SVEP1: variants seen among roughly 807,000 people sequenced by gnomAD.
The protein encoded by SVEP1 is sushi, von Willebrand factor type A, EGF and pentraxin domain containing 1, also known as sushi, von Willebrand factor type A, EGF and pentraxin domain-containing protein 1.
In SVEP1, 164 loss-of-function variants were observed where a neutral mutation model predicts 367.3. The observed-to-expected ratio is 0.45, with a 90% CI of 0.39 to 0.51. The LOEUF is 0.51. Ranked by LOEUF, SVEP1 falls within the 20% of genes least tolerant of loss-of-function variation. SVEP1 has a pLI of 0.00. For missense variants in SVEP1, 4,117 were observed against 4,425.3 expected (o/e 0.93, Z 1.98); for synonymous variants, 1,666 against 1,611.6 (o/e 1.03, Z -0.81).
rs781158332 is a variant in SVEP1, at chr9:110,458,440, C to T, written c.3576+31G>A. 34 of 1,587,760 alleles carry T rather than the reference C, an allele frequency of 2.1e-5. No individual in the cohort carries two copies. The South Asian group carries it at 3.2e-4, about 15-fold the overall frequency. On this transcript the variant is annotated intron_variant, in intron 20 of 47. Transcript: ENST00000374469. Reference sequence around the variant, plus strand: ...GACAAATTGCTTTCCAAGCATTCCACTAGAGAACAGTTTATGCAAAATGAA... The same window carrying T: ...GACAAATTGCTTTCCAAGCATTCCATTAGAGAACAGTTTATGCAAAATGAA...
At chr9:110,434,684 A>AAAAAAAAAAAAAAAAAAG (rs1828406556) in intron 29 of SVEP1, among the ~76,000 whole-genome samples, 178 bp from the exon 30 acceptor site, 1 of 150,744 alleles carries the variant, frequency 6.6e-6, no homozygotes, top group Non-Finnish European at 1.5e-5. Context: ...AAAAAAAAAA[A>AAAAAAAAAAAAAAAAAAG]AAGCATTTAA....
At chr9:110,578,442 CTA>C (rs1043214771) in intron 1 of SVEP1, among the ~76,000 whole-genome samples, 20 of 151,430 alleles carry the variant, frequency 1.3e-4, no homozygotes, top group African/African-American at 4.8e-4. Context: ...TTAGATATTT[CTA>C]TATGTTTCTT....
At chr9:110,448,272 T>G (rs2118604699) in intron 24 of SVEP1, among the ~76,000 whole-genome samples, 1 of 152,370 alleles carries the variant, frequency 6.6e-6, no homozygotes, top group Non-Finnish European at 1.5e-5. Flanking sequence ...TGGCAAAATA[T>G]TAAGGTTTGA....
At chr9:110,431,822 C>G in intron 32 of SVEP1, 93 bp downstream of exon 32, 7 of 1,510,372 alleles carry the variant, frequency 4.6e-6, no homozygotes, top group Non-Finnish European at 5.4e-6. Flanking sequence ...GAAGTTGAAA[C>G]AATTATCTCA....
chr9:110,435,157 G>C lies in SVEP1; in HGVS notation c.4888+84C>G, dbSNP rs12000709. 2,257 of 1,494,292 alleles carry C rather than the reference G, an allele frequency of 1.5e-3. 31 individuals carry two copies. The African/African-American group carries it at 0.028, about 18-fold the overall frequency. 92.6% of individuals were successfully genotyped at this position (1,494,292 alleles called of 1,614,324 possible). The stretch of plus-strand genomic sequence containing the variant: ...ACAGTCACATACGATTGGACCGATA[G>C]AGAATTCTGAACTGTCTTCTTTTGC... On this transcript the variant is annotated intron_variant, in intron 29 of 47. Coordinates refer to ENST00000374469, the MANE Select transcript of SVEP1 (RefSeq NM_153366.4).
chr9:110,423,167 G>GAAAAAAAAAAAAAAAAA, intron 36 of SVEP1, among the ~76,000 whole-genome samples: 1 of 66,988 alleles, frequency 1.5e-5, no homozygotes, highest in Non-Finnish European at 2.8e-5. Flanking sequence ...AAAAAATAAA[G>GAAAAAAAAAAAAAAAAA]TAAAAAAAAA....
chr9:110,578,091 A>G (rs1024270044), intron 1 of SVEP1, among the ~76,000 whole-genome samples: 1 of 152,238 alleles, frequency 6.6e-6, no homozygotes, highest in Admixed American at 6.5e-5. Context: ...AGGAACTTTT[A>G]TAGAAATTCT....
At chr9:110,553,955 A>AT (rs1830323293) in intron 1 of SVEP1, among the ~76,000 whole-genome samples, 1 of 152,114 alleles carries the variant, frequency 6.6e-6, no homozygotes, top group Non-Finnish European at 1.5e-5. Context: ...TAATGCTTAT[A>AT]TTTTTAAAAT....
In SVEP1 at chr9:110,455,689, T is replaced by C. The variant is rs551036950; in HGVS notation, c.3688A>G (p.Thr1230Ala). Residue 1230 changes from threonine (T) to alanine (A), a missense_variant, in exon 22 of 48, where the codon ACA becomes GCA. Around this residue, in one of 4 missense-constraint regions of SVEP1, gnomAD observed 2,174 missense variants for 2,494.3 expected, o/e 0.87. Transcript: ENST00000374469. Reference protein sequence around the residue: ...PLGYTGLKCETDIDECSPLPC... With the variant: ...PLGYTGLKCEADIDECSPLPC... Reference sequence around the variant, plus strand: ...AGTGGGCTGCACTCATCGATGTCTGTTTCACACTTTAAGCCTACAATGTAA... The same window carrying C: ...AGTGGGCTGCACTCATCGATGTCTGCTTCACACTTTAAGCCTACAATGTAA... The C allele has an allele frequency of 6.2e-7, 1 of 1,611,446 alleles. No homozygotes were observed. Among genetic ancestry groups the C allele is most frequent in the African/African-American group, 1.3e-5 (1 of 74,980 alleles).
chr9:110,405,481 A>T (rs994765616), intron 38 of SVEP1, among the ~76,000 whole-genome samples: 1 of 151,576 alleles, frequency 6.6e-6, no homozygotes, highest in African/African-American at 2.4e-5. Context: ...CATAATTCAT[A>T]TGTATTATGA....
intron 1 of SVEP1, among the ~76,000 whole-genome samples, 153 bp downstream of exon 1, chr9:110,578,860 G>A (rs982049569): frequency 6.6e-6 from 1 of 152,134 alleles, no homozygotes; most frequent in Non-Finnish European, 1.5e-5. Context: ...ATAATAGGCG[G>A]GTAGCGATGA....
intron 1 of SVEP1, among the ~76,000 whole-genome samples, chr9:110,550,426 T>A (rs1830270178): frequency 6.6e-6 from 1 of 152,208 alleles, no homozygotes; most frequent in African/African-American, 2.4e-5. Context: ...TTATTTTTAT[T>A]GATTCTCAGG....
intron 1 of SVEP1, 78 bp downstream of exon 1, chr9:110,578,935 G>C: frequency 6.7e-7 from 1 of 1,487,672 alleles, no homozygotes; most frequent in South Asian, 1.3e-5. Flanking sequence ...ACTGAACCCC[G>C]GGATAGAGAC....
Position 110,365,773 on chromosome 9 carries a change from C to CTCTT in SVEP1, c.*762_*765dup, listed in dbSNP as rs1827190094. The CTCTT allele has an allele frequency of 6.6e-6, 1 of 152,266 alleles. No homozygotes were observed. The highest frequency in any genetic ancestry group is 1.9e-4 in the East Asian group (1 of 5,200). 9.4% of individuals were successfully genotyped at this position (152,266 alleles called of 1,614,324 possible). On this transcript the variant is annotated 3_prime_UTR_variant, in exon 48 of 48. Transcript: ENST00000374469. ...GTGGGATTACCAGTCCGGGTATCAG[C>CTCTT]TCTTTGTTAATCTTCCAGTTCTTGC...
intron 8 of SVEP1, 42 bp downstream of exon 8, chr9:110,496,773 G>T: frequency 7.1e-7 from 1 of 1,400,068 alleles, no homozygotes; most frequent in Non-Finnish European, 9.9e-7. Flanking sequence ...AGTATATTTA[G>T]AATTCATTTG....
At position 110,427,680 on chromosome 9, in the gene SVEP1, G is replaced by A; in HGVS notation, c.5886C>T (p.Phe1962=). The A allele has an allele frequency of 6.2e-7, 1 of 1,613,970 alleles. No homozygotes were observed. The highest frequency in any genetic ancestry group is 1.3e-5 in the African/African-American group (1 of 75,054). The change falls in exon 36 of 48, where the codon TTC becomes TTT. Residue 1962 remains phenylalanine, a synonymous_variant. Coordinates refer to ENST00000374469, the MANE Select transcript of SVEP1 (RefSeq NM_153366.4). The part of the protein sequence containing the change: ...DRAPPACHLV[F]CGEPPAIKDA... ...CTTTGATGGCAGGTGGTTCTCCACA[G>A]AAGACGAGGTGACAGGCAGGTGGCG...
chr9:110,366,202 T>C lies in SVEP1; in HGVS notation c.*337A>G. On this transcript the variant is annotated 3_prime_UTR_variant, in exon 48 of 48. Transcript: ENST00000374469. ...TATTTAGTAGCAAAATATACTTTAA[T>C]GGAAAAATCATTTTAAGTAACTGAA... 1 of 223,480 alleles carries C rather than the reference T, an allele frequency of 4.5e-6. No homozygotes were observed. The highest frequency in any genetic ancestry group is 8.6e-6 in the Non-Finnish European group (1 of 115,656). 13.8% of individuals were successfully genotyped at this position (223,480 alleles called of 1,614,324 possible).
At chr9:110,498,623 C>CT (rs1829486459) in intron 7 of SVEP1, among the ~76,000 whole-genome samples, 1 of 152,206 alleles carries the variant, frequency 6.6e-6, no homozygotes, top group Admixed American at 6.5e-5. Context: ...TCAGTAACTC[C>CT]TTTTTCATAG....
chr9:110,452,033 G>C (rs1828702457), intron 22 of SVEP1, among the ~76,000 whole-genome samples: 1 of 152,168 alleles, frequency 6.6e-6, no homozygotes, highest in Non-Finnish European at 1.5e-5. Context: ...GACGTACAAA[G>C]ACTCGTTGGG....
Sources: allele counts gnomAD v4.1 joint callset (sites outside exome capture counted in the v4.1 genomes callset), GRCh38; gene constraint gnomAD v4.1.1; regional missense constraint gnomAD v4.1.1; transcripts MANE v1.5; gene names NCBI Gene and HGNC (gene_info 2026-07-23, HGNC 2026-07-21).